SCLY: variants seen among roughly 807,000 people sequenced by gnomAD.
SCLY encodes the protein selenocysteine lyase.
Under a neutral mutation model 50.1 loss-of-function variants are expected in SCLY, and 38 were observed. That is an observed-to-expected ratio of 0.76 (90% CI 0.59 to 0.99). The LOEUF is 0.99. Among genes scored for constraint, SCLY ranks in the 50% least tolerant of loss-of-function variants. The pLI, the probability that SCLY is intolerant of heterozygous loss-of-function variation, is 0.00. For synonymous variants in SCLY, 243 were observed against 249.4 expected (o/e 0.97, Z 0.24); for missense variants, 600 against 620.0 (o/e 0.97, Z 0.34).
intron 4 of SCLY, among the ~76,000 whole-genome samples, chr2:238,074,764 G>A (rs1426583698): frequency 5.3e-5 from 8 of 152,280 alleles, no homozygotes; most frequent in African/African-American, 1.7e-4. Context: ...GATTATAGGC[G>A]TGAGCCACCA....
chr2:238,094,543 T>G, intron 10 of SCLY, 21 bp downstream of exon 10: 1 of 1,585,842 alleles, frequency 6.3e-7, no homozygotes, highest in Non-Finnish European at 8.7e-7. Flanking sequence ...CTCACCCTGG[T>G]CTTTCCGAGT....
chr2:238,090,201 A>G (rs1459392199), intron 7 of SCLY, among the ~76,000 whole-genome samples: 1 of 152,204 alleles, frequency 6.6e-6, no homozygotes, highest in African/African-American at 2.4e-5. Flanking sequence ...GGGGAATGCA[A>G]ATTAAAACCA....
At chr2:238,094,196 A>G (rs1382286907) in intron 9 of SCLY, 9 of 611,860 alleles carry the variant, frequency 1.5e-5, no homozygotes, top group Non-Finnish European at 2.0e-5. Context: ...CAGAGGTGGT[A>G]TACCTCATGG....
intron 9 of SCLY, 132 bp from the exon 10 acceptor site, chr2:238,094,288 T>G (rs2065401567): frequency 1.3e-6 from 1 of 771,980 alleles, no homozygotes. Flanking sequence ...TCCCCGTAAC[T>G]ATTCTGGGTA....
intron 4 of SCLY, chr2:238,079,068 C>CTTTTTTTTTTTTTTTTTTTTTTTTT (rs59238768): frequency 5.4e-5 from 5 of 93,182 alleles, no homozygotes; most frequent in Non-Finnish European, 1.0e-4. Flanking sequence ...CTTTCTTTTT[C>CTTTTTTTTTTTTTTTTTTTTTTTTT]TTTTTTTTTT....
At chr2:238,081,460 GA>G in intron 4 of SCLY, 2 of 454,718 alleles carry the variant, frequency 4.4e-6, no homozygotes, top group Admixed American at 3.9e-5. Context: ...CGTAGAAGCA[GA>G]AAGGCACACA....
In SCLY at chr2:238,083,273, T is replaced by G. The variant is rs201041560; in HGVS notation, c.803T>G (p.Leu268Arg). ...TTTTATGGTCCCAGGATTGGCGCAC[T>G]TTATATACGAGGACTTGGTGAATTT... The part of the protein sequence containing the change: ...HKFYGPRIGA[L>R]YIRGLGEFTP... Residue 268 changes from leucine to arginine, a missense_variant, in exon 7 of 12, where the codon CTT becomes CGT. Physicochemically the swap from Leu to Arg is moderately radical, Grantham distance 102. Coordinates refer to ENST00000254663, the MANE Select transcript of SCLY (RefSeq NM_016510.7). The surrounding 1 kb of genome is among the most constrained non-coding windows in gnomAD (Gnocchi z 4.3). 61 of 1,613,874 alleles carry G rather than the reference T, an allele frequency of 3.8e-5. 1 individual carries two copies. The Admixed American group carries it at 1.0e-3, about 27-fold the overall frequency.
chr2:238,076,001 A>G (rs1002050104), intron 4 of SCLY, among the ~76,000 whole-genome samples: 3 of 151,278 alleles, frequency 2.0e-5, no homozygotes, highest in African/African-American at 7.3e-5. Context: ...AACACCAGGC[A>G]TAAATGGGTT....
In SCLY at chr2:238,068,144, C is replaced by G. The variant is rs924687894; in HGVS notation, c.282C>G (p.Ile94Met). 3.1e-6 allele frequency: 5 copies of G among 1,610,046 alleles called. No individual in the cohort carries two copies. The highest frequency in any genetic ancestry group is 4.2e-6 in the Non-Finnish European group (5 of 1,178,054). Reference sequence around the variant, plus strand: ...TAGGGGGGAAACCTCAAGATATAATCTTCACTTCCGGGGGCACTGAGGTAA... The same window carrying G: ...TAGGGGGGAAACCTCAAGATATAATGTTCACTTCCGGGGGCACTGAGGTAA... ...KMIGGKPQDI[I>M]FTSGGTESNN... Residue 94 changes from isoleucine to methionine, a missense_variant, in exon 3 of 12, where the codon ATC becomes ATG. Physicochemically the swap from Ile to Met is conservative, Grantham distance 10. Coordinates refer to ENST00000254663, the MANE Select transcript of SCLY (RefSeq NM_016510.7).
Position 238,094,071 on chromosome 2 carries a change from G to C in SCLY, c.1005+127G>C, listed in dbSNP as rs528965138. The C allele has an allele frequency of 4.1e-5, 34 of 833,002 alleles. No individual in the cohort carries two copies. In the East Asian group the frequency reaches 6.1e-4, roughly 15 times the overall value. 51.6% of individuals were successfully genotyped at this position (833,002 alleles called of 1,614,324 possible). On this transcript the variant is annotated intron_variant, in intron 9 of 11. Transcript: ENST00000254663. ...TTGCAGCGTAGCCTGGAACTCAGCA[G>C]GATGCAGTGAGGGAAGAAAGAACAG...
Position 238,098,565 on chromosome 2 carries a change from G to A in SCLY, c.*210G>A, listed in dbSNP as rs1440697468. 41 of 455,392 alleles carry A rather than the reference G, an allele frequency of 9.0e-5. 1 individual carries two copies. The highest frequency in any genetic ancestry group is 1.6e-4 in the African/African-American group (6 of 37,858). 28.2% of individuals were successfully genotyped at this position (455,392 alleles called of 1,614,324 possible). A position where few individuals can be genotyped will look rare whatever the true frequency, so the allele number is the denominator to read the frequency against. ...GGCCCAGGACACCAACGCCGCATAG[G>A]ACTGCCCACATGGGACCGCCCACAT... is the stretch of plus-strand genomic sequence containing the variant. On this transcript the variant is annotated 3_prime_UTR_variant, in exon 12 of 12. Coordinates refer to ENST00000254663, the MANE Select transcript of SCLY (RefSeq NM_016510.7).
intron 4 of SCLY, among the ~76,000 whole-genome samples, chr2:238,075,663 T>G (rs1455917306): frequency 6.6e-6 from 1 of 152,196 alleles, no homozygotes; most frequent in Non-Finnish European, 1.5e-5. Context: ...TGGCATACCA[T>G]TGTTTATAGT....
At chr2:238,061,702 C>T (rs1474861393) in intron 1 of SCLY, among the ~76,000 whole-genome samples, 1 of 152,046 alleles carries the variant, frequency 6.6e-6, no homozygotes, top group Non-Finnish European at 1.5e-5. Flanking sequence ...GAAACGGATG[C>T]GTTGGTAGGA....
At position 238,068,085 on chromosome 2, in the gene SCLY, A is replaced by G; in HGVS notation, c.223A>G (p.Ile75Val). Residue 75 changes from isoleucine (I) to valine (V), a missense_variant, in exon 3 of 12, where the codon ATA (isoleucine) becomes GTA (valine). Coordinates refer to ENST00000254663, the MANE Select transcript of SCLY (RefSeq NM_016510.7). ...TCAAGGAAGAAAGGCCAAGGATATT[A>G]TAAATGCAGCTCGGGAAAGCCTCGC... is the stretch of plus-strand genomic sequence containing the variant. The part of the protein sequence containing the change: ...YSAGRKAKDI[I>V]NAARESLAKM... 1 of 1,612,902 alleles carries G rather than the reference A, an allele frequency of 6.2e-7. No individual in the cohort carries two copies. The highest frequency in any genetic ancestry group is 1.1e-5 in the South Asian group (1 of 90,648).
At chr2:238,082,938 C>A in intron 6 of SCLY, 3 of 338,816 alleles carry the variant, frequency 8.9e-6, no homozygotes, top group Non-Finnish European at 1.2e-5. Flanking sequence ...TTTTTTTAAA[C>A]CTGTGATTCA....
chr2:238,062,188 AT>A (rs2065024715), intron 1 of SCLY, among the ~76,000 whole-genome samples: 1 of 152,188 alleles, frequency 6.6e-6, no homozygotes, highest in Admixed American at 6.5e-5. Flanking sequence ...AACAAAATAG[AT>A]TTGTTCAGCC....
intron 8 of SCLY, chr2:238,091,544 G>T: frequency 4.6e-5 from 19 of 413,780 alleles, no homozygotes; most frequent in Admixed American, 1.1e-4. Context: ...CAAGCTGCAG[G>T]TTCACCATTC....
intron 8 of SCLY, chr2:238,091,544 GTTC>G: frequency 3.9e-5 from 16 of 413,744 alleles, no homozygotes; most frequent in Admixed American, 1.1e-4. Context: ...CAAGCTGCAG[GTTC>G]ACCATTCCCA....
At chr2:238,063,758 G>A (rs538773937) in intron 1 of SCLY, among the ~76,000 whole-genome samples, 46 of 152,194 alleles carry the variant, frequency 3.0e-4, no homozygotes, top group Non-Finnish European at 6.0e-4. Context: ...CTCTGATGAA[G>A]TTAAAACAGC....
Sources: allele counts gnomAD v4.1 joint callset (sites outside exome capture counted in the v4.1 genomes callset), GRCh38; gene constraint gnomAD v4.1.1; non-coding constraint Gnocchi (gnomAD v3.1); transcripts MANE v1.5; gene names NCBI Gene and HGNC (gene_info 2026-07-23, HGNC 2026-07-21).